The following SMYD3 variants were observed in gnomAD, a reference collection of about 807,000 sequenced individuals.
The protein encoded by SMYD3 is histone-lysine N-methyltransferase SMYD3.
In SMYD3, 36 loss-of-function variants were observed where a neutral mutation model predicts 57.7. The observed-to-expected ratio is 0.62, with a 90% CI of 0.48 to 0.82. The LOEUF is 0.82. SMYD3 is among the 40% of genes least tolerant of loss of function. SMYD3 has a pLI of 0.00. For missense variants in SMYD3, 515 were observed against 538.8 expected, an observed-to-expected ratio of 0.96 and a Z score of 0.44; for synonymous variants, 211 against 195.0, an observed-to-expected ratio of 1.08 and a Z score of -0.68.
intron 8 of SMYD3, among the ~76,000 whole-genome samples, chr1:245,903,256 A>C (rs1170141290): frequency 6.6e-6 from 1 of 152,214 alleles, no homozygotes; most frequent in Non-Finnish European, 1.5e-5. Context: ...TCTGAATTGA[A>C]GGCAGAGCTT....
At chr1:246,061,006 T>C (rs6656116) in intron 5 of SMYD3, among the ~76,000 whole-genome samples, 2,365 of 152,208 alleles carry the variant, frequency 0.016, 39 homozygotes, top group African/African-American at 0.036. Flanking sequence ...GGCGGGCGGA[T>C]CATGAGGTCA....
intron 5 of SMYD3, among the ~76,000 whole-genome samples, chr1:245,941,679 C>T (rs1329199662): frequency 2.0e-5 from 3 of 152,064 alleles, no homozygotes; most frequent in Non-Finnish European, 4.4e-5. Context: ...TGCCACCATG[C>T]CAAGCTAATT....
intron 5 of SMYD3, among the ~76,000 whole-genome samples, chr1:245,952,789 C>T (rs1255267266): frequency 6.6e-6 from 1 of 152,210 alleles, no homozygotes; most frequent in Admixed American, 6.5e-5. Context: ...TGGCTACGCA[C>T]TCGAGCAGAA....
chr1:245,995,121 G>A (rs986035820), intron 5 of SMYD3, among the ~76,000 whole-genome samples: 3 of 152,070 alleles, frequency 2.0e-5, no homozygotes, highest in African/African-American at 7.2e-5. Flanking sequence ...TCTAACCTTC[G>A]AAGAAATGGA....
At chr1:245,875,900 C>G (rs1198393857) in intron 8 of SMYD3, among the ~76,000 whole-genome samples, 1 of 152,200 alleles carries the variant, frequency 6.6e-6, no homozygotes, top group Non-Finnish European at 1.5e-5. Context: ...CGGAGGTAAA[C>G]AAACTTACAA....
intron 5 of SMYD3, among the ~76,000 whole-genome samples, chr1:246,055,784 T>C (rs1484634613): frequency 6.6e-6 from 1 of 152,166 alleles, no homozygotes; most frequent in African/African-American, 2.4e-5. Context: ...ATTCAACCTA[T>C]AGAAGTACCT....
intron 1 of SMYD3, among the ~76,000 whole-genome samples, chr1:246,438,566 G>T (rs762966343): frequency 6.6e-5 from 10 of 152,012 alleles, no homozygotes; most frequent in Non-Finnish European, 1.3e-4. Context: ...AAAATCCATG[G>T]ATGCTCAAGT....
chr1:246,090,753 G>A (rs925070566), intron 5 of SMYD3, among the ~76,000 whole-genome samples: 2 of 152,110 alleles, frequency 1.3e-5, no homozygotes, highest in Non-Finnish European at 1.5e-5. Flanking sequence ...CCTGACCTCA[G>A]GATACACCCG....
intron 5 of SMYD3, among the ~76,000 whole-genome samples, chr1:246,028,593 A>G (rs2059616338): frequency 6.6e-6 from 1 of 152,244 alleles, no homozygotes; most frequent in African/African-American, 2.4e-5. Flanking sequence ...GAATACAAAC[A>G]AATGGAGATG....
intron 5 of SMYD3, among the ~76,000 whole-genome samples, chr1:246,103,552 T>G (rs1456222013): frequency 1.3e-5 from 2 of 152,064 alleles, no homozygotes; most frequent in Non-Finnish European, 2.9e-5. Flanking sequence ...TCCTCTAAAT[T>G]CCCAGAGCCA....
intron 1 of SMYD3, among the ~76,000 whole-genome samples, chr1:246,427,781 G>C (rs563981762): frequency 4.2e-4 from 64 of 152,244 alleles, no homozygotes; most frequent in Non-Finnish European, 7.5e-4. Flanking sequence ...TTGAGCCCAG[G>C]AGGTTGAGGC....
chr1:245,971,456 A>AT (rs2058300797), intron 5 of SMYD3, among the ~76,000 whole-genome samples: 1 of 152,156 alleles, frequency 6.6e-6, no homozygotes, highest in Non-Finnish European at 1.5e-5. Context: ...TAAAAAAAAA[A>AT]ATCAATGTGT....
At chr1:245,793,629 C>T (rs2047396675) in intron 10 of SMYD3, among the ~76,000 whole-genome samples, 1 of 151,984 alleles carries the variant, frequency 6.6e-6, no homozygotes, top group Non-Finnish European at 1.5e-5. Flanking sequence ...CCCTGCCCTC[C>T]CCTGCTCTGC....
chr1:246,387,713 T>TA (rs1167685908), intron 1 of SMYD3, among the ~76,000 whole-genome samples: 3 of 152,214 alleles, frequency 2.0e-5, no homozygotes, highest in Non-Finnish European at 1.5e-5. Flanking sequence ...GACTTCTAGT[T>TA]ACAGCTATGT....
intron 5 of SMYD3, among the ~76,000 whole-genome samples, chr1:246,297,165 T>C (rs2064811130): frequency 1.3e-5 from 2 of 151,674 alleles, no homozygotes. Flanking sequence ...AGAAAAACAA[T>C]GTGAAAAAGA....
intron 10 of SMYD3, among the ~76,000 whole-genome samples, chr1:245,813,697 G>A (rs1231417527): frequency 1.3e-5 from 2 of 152,124 alleles, no homozygotes; most frequent in East Asian, 3.9e-4. Context: ...TCCATAGAAA[G>A]CCTCCAAATG....
chr1:246,008,957 G>C (rs2148184716), intron 5 of SMYD3, among the ~76,000 whole-genome samples: 1 of 152,298 alleles, frequency 6.6e-6, no homozygotes, highest in Admixed American at 6.5e-5. Context: ...TCAAGTTCAA[G>C]TGCCAGCCGT....
At chr1:246,215,078 GGCCACAC>G (rs2063144308) in intron 5 of SMYD3, among the ~76,000 whole-genome samples, 2 of 152,040 alleles carry the variant, frequency 1.3e-5, no homozygotes, top group South Asian at 4.2e-4. Context: ...TCACCACAAT[GGCCACAC>G]GCATGTGGAA....
intron 5 of SMYD3, among the ~76,000 whole-genome samples, chr1:246,162,544 T>C (rs2062140378): frequency 6.6e-6 from 1 of 152,230 alleles, no homozygotes; most frequent in Admixed American, 6.5e-5. Flanking sequence ...TTTGTTTGTG[T>C]TACCCCTAAA....
Sources: allele counts gnomAD v4.1 joint callset (sites outside exome capture counted in the v4.1 genomes callset), GRCh38; gene constraint gnomAD v4.1.1; transcripts MANE v1.5; gene names NCBI Gene and HGNC (gene_info 2026-07-23, HGNC 2026-07-21).